Variants in LAMA4 observed in about 807,000 individuals in gnomAD.
The protein encoded by LAMA4 is laminin subunit alpha-4.
Under a neutral mutation model 207.1 loss-of-function variants are expected in LAMA4, and 127 were observed. That is an observed-to-expected ratio of 0.61 (90% CI 0.53 to 0.71). The LOEUF (loss-of-function observed/expected upper bound fraction) is 0.71. Ranked by LOEUF, LAMA4 falls within the 30% of genes least tolerant of loss-of-function variation. LAMA4 has a pLI of 0.00. For synonymous variants in LAMA4, 761 were observed against 816.0 expected, an observed-to-expected ratio of 0.93 and a Z score of 1.15; for missense variants, 2,093 against 2,246.5, an observed-to-expected ratio of 0.93 and a Z score of 1.38.
At chr6:112,234,942 G>T (rs111409589) in intron 2 of LAMA4, among the ~76,000 whole-genome samples, 2 of 151,976 alleles carry the variant, frequency 1.3e-5, no homozygotes, top group African/African-American at 2.4e-5. Context: ...AAATATCTTC[G>T]GATAATACTC....
At chr6:112,163,286 C>T (rs1781181330) in intron 13 of LAMA4, among the ~76,000 whole-genome samples, 1 of 151,912 alleles carries the variant, frequency 6.6e-6, no homozygotes, top group South Asian at 2.1e-4. Flanking sequence ...AAACCAAAGC[C>T]TGTTGAGCTG....
At chr6:112,158,946 C>A (rs1780889460) in intron 13 of LAMA4, 66 bp from the exon 14 acceptor site, 2 of 1,094,650 alleles carry the variant, frequency 1.8e-6, no homozygotes, top group Non-Finnish European at 2.7e-6. Context: ...TCCTAGGCAC[C>A]AAAAGATAAT....
At chr6:112,200,435 A>G (rs6568725) in intron 5 of LAMA4, among the ~76,000 whole-genome samples, 91,194 of 152,050 alleles carry the variant, frequency 0.6, 29,128 homozygotes, top group African/African-American at 0.83. Flanking sequence ...CTGTTGGTGG[A>G]AGTGTAAATT....
intron 18 of LAMA4, among the ~76,000 whole-genome samples, chr6:112,146,908 G>A (rs1554334639): frequency 6.6e-6 from 1 of 152,130 alleles, no homozygotes; most frequent in African/African-American, 2.4e-5. Flanking sequence ...TATACTTAAT[G>A]AATTATGTTA....
intron 2 of LAMA4, among the ~76,000 whole-genome samples, chr6:112,249,792 C>T (rs1268812012): frequency 1.3e-5 from 2 of 152,198 alleles, no homozygotes; most frequent in Non-Finnish European, 2.9e-5. Context: ...ACCACCACTG[C>T]TATATTCCAG....
At chr6:112,223,094 C>G (rs1554361111) in intron 2 of LAMA4, among the ~76,000 whole-genome samples, 1 of 152,164 alleles carries the variant, frequency 6.6e-6, no homozygotes. Flanking sequence ...CTGGGTTCAT[C>G]TCACATCACC....
At position 112,118,302 on chromosome 6, in the gene LAMA4, T is replaced by G. The variant is rs143810634; in HGVS notation, c.4822-404A>C. ...ATAGCCAAATAAACAGCAGAAAGCT[T>G]TCATTTCTGGTTTCATGAGCTGTTT... is the stretch of plus-strand genomic sequence containing the variant. On this transcript the variant is annotated intron_variant, in intron 34 of 38. Transcript: ENST00000230538. This position sits in a 1 kb window ranked among gnomAD's most constrained non-coding sequence, Gnocchi z 4.6. 2.4e-3 allele frequency among the ~76,000 whole-genome samples: 368 copies of G among 152,294 alleles called. 3 individuals are homozygous for G. The highest frequency in any genetic ancestry group is 8.6e-3 in the African/African-American group (358 of 41,566).
chr6:112,115,716 G>T, intron 36 of LAMA4, 147 bp downstream of exon 36: 2 of 870,714 alleles, frequency 2.3e-6, no homozygotes, highest in Non-Finnish European at 3.7e-6. Context: ...TCCAAATATT[G>T]CCCACATTTA....
At chr6:112,212,887 T>C (rs1784429106) in intron 3 of LAMA4, among the ~76,000 whole-genome samples, 1 of 152,208 alleles carries the variant, frequency 6.6e-6, no homozygotes, top group African/African-American at 2.4e-5. Flanking sequence ...ATGGTTGATT[T>C]CTGCCTTACA....
intron 2 of LAMA4, among the ~76,000 whole-genome samples, chr6:112,243,759 T>A (rs1786699504): frequency 6.6e-6 from 1 of 152,172 alleles, no homozygotes; most frequent in Non-Finnish European, 1.5e-5. Flanking sequence ...TAATCACTAG[T>A]TCTAAAGCTA....
intron 26 of LAMA4, 42 bp downstream of exon 26, chr6:112,134,425 T>C (rs782580167): frequency 6.2e-7 from 1 of 1,607,798 alleles, no homozygotes; most frequent in South Asian, 1.1e-5. Context: ...GCCAGCCCAG[T>C]ACATTGCTAG....
chr6:112,200,175 C>A, intron 5 of LAMA4: 1 of 532,978 alleles, frequency 1.9e-6, no homozygotes. Context: ...GTGGAGAAGG[C>A]CTTTCTTACA....
In LAMA4 at chr6:112,144,855, A is replaced by G; in HGVS notation, c.2432T>C (p.Val811Ala). The G allele has an allele frequency of 6.2e-7, 1 of 1,614,020 alleles. No homozygotes were observed. The highest frequency in any genetic ancestry group is 2.2e-5 in the East Asian group (1 of 44,876). Residue 811 changes from valine to alanine, a missense_variant, in exon 19 of 39, where the codon GTT (valine) becomes GCT (alanine). This residue lies in a region of LAMA4 where 1,704 missense variants were observed against 1,788.4 expected (regional missense o/e 0.95). Coordinates refer to ENST00000230538, the MANE Select transcript of LAMA4 (RefSeq NM_001105206.3). ...TCGGATCCTCTGGATGCTGGCAGAA[A>G]CGTTGCTTGCAGGTCGCTTCTGCTC... ...TVEQKRPASN[V>A]SASIQRIREL...
At chr6:112,191,497 C>A (rs782548349) in intron 6 of LAMA4, 139 bp downstream of exon 6, 2 of 704,058 alleles carry the variant, frequency 2.8e-6, no homozygotes, top group Non-Finnish European at 2.5e-6. Flanking sequence ...GATGCATATT[C>A]CTGAGAATGT....
intron 16 of LAMA4, among the ~76,000 whole-genome samples, chr6:112,154,493 G>A (rs1780584269): frequency 6.6e-6 from 1 of 152,108 alleles, no homozygotes. Flanking sequence ...CAAGAAAGAG[G>A]AAATTTTGTG....
chr6:112,122,513 C>A (rs77699322), intron 31 of LAMA4, among the ~76,000 whole-genome samples: 9,610 of 152,148 alleles, frequency 0.063, 978 homozygotes, highest in African/African-American at 0.22. Context: ...ATCTTAAATA[C>A]TAGTGAAAAG....
At chr6:112,208,918 A>G (rs765281518) in intron 3 of LAMA4, among the ~76,000 whole-genome samples, 37 of 152,318 alleles carry the variant, frequency 2.4e-4, no homozygotes, top group Non-Finnish European at 4.4e-5. Context: ...TGATATGCAG[A>G]CAACAGGATG....
At chr6:112,121,762 G>A (rs1778373960) in intron 32 of LAMA4, 5 of 416,468 alleles carry the variant, frequency 1.2e-5, no homozygotes, top group South Asian at 9.2e-5. Context: ...TTCCTTGATT[G>A]TCTTTTCTTT....
At position 112,216,473 on chromosome 6, in the gene LAMA4, C is replaced by T; in HGVS notation, c.196-4G>A. On this transcript the variant is annotated splice_region_variant and splice_polypyrimidine_tract_variant and intron_variant, in intron 2 of 38. Coordinates refer to ENST00000230538, the MANE Select transcript of LAMA4 (RefSeq NM_001105206.3). Reference sequence around the variant, plus strand: ...GAAAGAATCCAGCATTGCATTTCTGCAACAGACACACCAAACCATTTTGAT... The same window carrying T: ...GAAAGAATCCAGCATTGCATTTCTGTAACAGACACACCAAACCATTTTGAT... The T allele has an allele frequency of 6.3e-7, 1 of 1,590,058 alleles. No homozygotes were observed. The highest frequency in any genetic ancestry group is 8.6e-7 in the Non-Finnish European group (1 of 1,158,130).
Sources: gnomAD v4.1 joint callset for allele counts (sites outside exome capture counted in the v4.1 genomes callset) on GRCh38, gnomAD v4.1.1 for gene constraint, gnomAD v4.1.1 regional missense constraint, Gnocchi (gnomAD v3.1) non-coding constraint, MANE v1.5 for transcripts, NCBI Gene and HGNC (gene_info 2026-07-23, HGNC 2026-07-21) for gene names.